Variants in YWHAQ observed in about 807,000 individuals in gnomAD.
YWHAQ encodes 14-3-3 protein theta.
YWHAQ carries 6 observed loss-of-function variants against 28.3 expected under a neutral mutation model. The observed-to-expected ratio is 0.21, with a 90% CI of 0.12 to 0.42. The LOEUF (loss-of-function observed/expected upper bound fraction) is 0.42. Among genes scored for constraint, YWHAQ ranks in the 10% least tolerant of loss-of-function variants. YWHAQ has a pLI of 1.00. For missense variants in YWHAQ, 201 were observed against 305.6 expected (o/e 0.66, Z 2.55); for synonymous variants, 143 against 119.1 (o/e 1.20, Z -1.31).
At chr2:9,624,563 C>T (rs367877301) in intron 2 of YWHAQ, among the ~76,000 whole-genome samples, 9 of 152,082 alleles carry the variant, frequency 5.9e-5, no homozygotes, top group Middle Eastern at 3.4e-3. Context: ...TCCTGTGCAC[C>T]GCATGATGTT....
chr2:9,616,823 T>C (rs777638748), intron 2 of YWHAQ, among the ~76,000 whole-genome samples: 6 of 152,178 alleles, frequency 3.9e-5, no homozygotes, highest in Admixed American at 6.5e-5. Context: ...AAACATTAAA[T>C]GGGTATATAC....
chr2:9,627,081 G>C (rs578003113), intron 2 of YWHAQ, among the ~76,000 whole-genome samples: 1 of 152,278 alleles, frequency 6.6e-6, no homozygotes, highest in South Asian at 2.1e-4. Flanking sequence ...TTCACTTATA[G>C]TTCTTTACTC....
chr2:9,630,288 G>A lies in YWHAQ; in HGVS notation c.165C>T (p.Arg55=). Residue 55 remains arginine, a synonymous_variant, in exon 2 of 6, where the codon CGC becomes CGT. Transcript: ENST00000238081. The surrounding 1 kb of genome is among the most constrained non-coding windows in gnomAD (Gnocchi z 5.6). ...TAGAGATGACCCTCCAGGCGGACCT[G>A]CGGCCCCCGACCACGTTCTTGTAGG... ...SVAYKNVVGG[R]RSAWRVISSI... 1 of 1,614,188 alleles carries A rather than the reference G, an allele frequency of 6.2e-7. No individual in the cohort carries two copies. Among genetic ancestry groups the A allele is most frequent in the Non-Finnish European group, 8.5e-7 (1 of 1,180,042 alleles).
At chr2:9,624,029 G>T (rs1360454028) in intron 2 of YWHAQ, among the ~76,000 whole-genome samples, 2 of 152,162 alleles carry the variant, frequency 1.3e-5, no homozygotes, top group African/African-American at 2.4e-5. Flanking sequence ...AGCACTCTGG[G>T]TGGATTGCTT....
At chr2:9,592,260 TA>T (rs1666471294) in intron 2 of YWHAQ, among the ~76,000 whole-genome samples, 1 of 152,322 alleles carries the variant, frequency 6.6e-6, no homozygotes, top group African/African-American at 2.4e-5. Context: ...GAAATCTAAT[TA>T]TTTTTTTAAA....
Position 9,618,504 on chromosome 2 carries a change from C to T in YWHAQ, c.294+11655G>A, listed in dbSNP as rs1667078452. ...ATGTGCCTATACTCTTTAGAGTTGTCTTTGTTTCATTTTCTTTTTTGAGAC... is the reference window on the plus strand; with the variant it reads ...ATGTGCCTATACTCTTTAGAGTTGTTTTTGTTTCATTTTCTTTTTTGAGAC... On this transcript the variant is annotated intron_variant, in intron 2 of 5. Transcript: ENST00000238081. 3.9e-5 allele frequency among the ~76,000 whole-genome samples: 6 copies of T among 152,108 alleles called. No individual in the cohort carries two copies. In the South Asian group the frequency reaches 1.2e-3, roughly 32 times the overall value.
chr2:9,629,594 A>G (rs1257546183), intron 2 of YWHAQ, among the ~76,000 whole-genome samples: 1 of 151,990 alleles, frequency 6.6e-6, no homozygotes, highest in Non-Finnish European at 1.5e-5. Context: ...TTCTTCAGAT[A>G]CAGCTGTGTC....
intron 2 of YWHAQ, among the ~76,000 whole-genome samples, chr2:9,596,355 A>T (rs1666569651): frequency 6.6e-6 from 1 of 152,244 alleles, no homozygotes; most frequent in Non-Finnish European, 1.5e-5. Flanking sequence ...TTTCAGTGGC[A>T]AAATTCTGTA....
At chr2:9,609,139 G>T (rs1229312835) in intron 2 of YWHAQ, among the ~76,000 whole-genome samples, 1 of 152,090 alleles carries the variant, frequency 6.6e-6, no homozygotes, top group African/African-American at 2.4e-5. Flanking sequence ...GGTTACTACA[G>T]GATTTTCTTC....
chr2:9,595,470 C>T (rs1298620922), intron 2 of YWHAQ, among the ~76,000 whole-genome samples: 6 of 151,984 alleles, frequency 3.9e-5, no homozygotes, highest in Admixed American at 1.3e-4. Context: ...TTTGGGAGGC[C>T]GAGATGGGTG....
At chr2:9,606,084 C>A (rs1666821698) in intron 2 of YWHAQ, among the ~76,000 whole-genome samples, 1 of 152,076 alleles carries the variant, frequency 6.6e-6, no homozygotes, top group Admixed American at 6.6e-5. Context: ...ATTTAGCTTC[C>A]TCTGAGGAAC....
At chr2:9,600,903 C>T (rs1381106897) in intron 2 of YWHAQ, among the ~76,000 whole-genome samples, 2 of 152,034 alleles carry the variant, frequency 1.3e-5, no homozygotes, top group East Asian at 3.9e-4. Context: ...GATTTCTTGG[C>T]AATTAAGTAT....
At chr2:9,589,579 A>G (rs13415136) in intron 3 of YWHAQ, among the ~76,000 whole-genome samples, 90,332 of 151,986 alleles carry the variant, frequency 0.59, 29,195 homozygotes, top group African/African-American at 0.82. Context: ...GCAAAACTCC[A>G]TTCAAAATTA....
chr2:9,619,417 C>T (rs1667096532), intron 2 of YWHAQ, among the ~76,000 whole-genome samples: 1 of 151,952 alleles, frequency 6.6e-6, no homozygotes, highest in South Asian at 2.1e-4. Context: ...ACAATAAATA[C>T]AGTAATACCA....
chr2:9,597,742 AAATGAAGTATGG>A (rs1666603264), intron 2 of YWHAQ, among the ~76,000 whole-genome samples: 1 of 151,850 alleles, frequency 6.6e-6, no homozygotes, highest in African/African-American at 2.4e-5. Context: ...ATTTTCAAAA[AAATGAAGTATGG>A]AATGAAGTAA....
intron 2 of YWHAQ, among the ~76,000 whole-genome samples, chr2:9,629,162 T>C (rs1020077832): frequency 3.3e-5 from 5 of 152,062 alleles, no homozygotes; most frequent in Non-Finnish European, 4.4e-5. Flanking sequence ...CCACCTAAAA[T>C]ATGATGTGCA....
At chr2:9,608,839 C>A (rs898249993) in intron 2 of YWHAQ, among the ~76,000 whole-genome samples, 3 of 152,150 alleles carry the variant, frequency 2.0e-5, no homozygotes, top group Admixed American at 6.5e-5. Context: ...ACTCAGGAGG[C>A]TGAGGCAGGA....
At chr2:9,595,787 A>T (rs1488173544) in intron 2 of YWHAQ, among the ~76,000 whole-genome samples, 1 of 151,924 alleles carries the variant, frequency 6.6e-6, no homozygotes, top group African/African-American at 2.4e-5. Context: ...CTTATCAATT[A>T]AGCAGGAGCT....
chr2:9,596,252 AC>A (rs1666568146), intron 2 of YWHAQ, among the ~76,000 whole-genome samples: 1 of 151,904 alleles, frequency 6.6e-6, no homozygotes, highest in Non-Finnish European at 1.5e-5. Flanking sequence ...TTCCAGAAGA[AC>A]AACAAAACCC....
Sources: allele counts gnomAD v4.1 joint callset (sites outside exome capture counted in the v4.1 genomes callset), GRCh38; gene constraint gnomAD v4.1.1; non-coding constraint Gnocchi (gnomAD v3.1); transcripts MANE v1.5; gene names NCBI Gene and HGNC (gene_info 2026-07-23, HGNC 2026-07-21).